The following IRAG2 variants were observed in gnomAD, a reference collection of about 807,000 sequenced individuals.
The protein encoded by IRAG2 is inositol 1,4,5-triphosphate receptor associated 2.
Under a neutral mutation model 69.9 loss-of-function variants are expected in IRAG2, and 45 were observed. The ratio of observed to expected loss-of-function variants is 0.64; its 90% confidence interval spans 0.51 to 0.83. IRAG2 has a LOEUF of 0.83. Among genes scored for constraint, IRAG2 ranks in the 40% least tolerant of loss-of-function variants. The probability of loss-of-function intolerance (pLI) is 0.00; values close to 1 mark genes in which losing one functional copy is unlikely to be tolerated. For synonymous variants in IRAG2, 193 were observed against 202.4 expected (o/e 0.95, Z 0.40); for missense variants, 520 against 587.0 (o/e 0.89, Z 1.18).
At chr12:25,087,180 T>TTTTTTTTG (rs1450270058) in intron 10 of IRAG2, among the ~76,000 whole-genome samples, 2 of 125,228 alleles carry the variant, frequency 1.6e-5, no homozygotes, top group African/African-American at 3.1e-5. Context: ...TTTTTTTTTT[T>TTTTTTTTG]TTGTTGAGAC....
At chr12:25,091,737 G>T (rs1330111983) in intron 14 of IRAG2, among the ~76,000 whole-genome samples, 1 of 152,058 alleles carries the variant, frequency 6.6e-6, no homozygotes, top group Admixed American at 6.6e-5. Context: ...GGTGCACAAA[G>T]GTTCCAATTT....
At position 25,077,307 on chromosome 12, in the gene IRAG2, TG is replaced by T. The variant is rs72303814; in HGVS notation, c.25-1936del. On this transcript the variant is annotated intron_variant, in intron 6 of 21. Transcript: ENST00000556887. ...ATATGATATATATATGAAATATATA[TG>T]ATATATATGATATATATATGATATA... Among the ~76,000 whole-genome samples the T allele has an allele frequency of 5.1e-4, 11 of 21,388 alleles. 2 individuals carry two copies. The highest frequency in any genetic ancestry group is 7.9e-3 in the East Asian group (2 of 254). The allele number at this position is 21,388 out of a possible 152,430, so 14.0% of individuals were successfully genotyped here.
chr12:25,015,088 G>GAAAAAAAAAAA, intron 3 of IRAG2: 50 of 50,870 alleles, frequency 9.8e-4, no homozygotes, highest in Admixed American at 1.3e-3. Context: ...GCATAAATCT[G>GAAAAAAAAAAA]AAAAAAAAAA....
chr12:25,020,966 C>T, intron 7 of IRAG2: 1 of 838,478 alleles, frequency 1.2e-6, no homozygotes, highest in East Asian at 3.3e-5. Flanking sequence ...CTGAAATATA[C>T]AAGAGGACTT....
intron 1 of IRAG2, 42 bp from the exon 2 acceptor site, chr12:25,061,550 T>C (rs1230941067): frequency 7.5e-6 from 3 of 398,484 alleles, no homozygotes; most frequent in Non-Finnish European, 1.3e-5. Flanking sequence ...ATTAATTAAA[T>C]TAAAATGGTC....
chr12:25,064,479 C>G (rs1945841345), intron 4 of IRAG2, among the ~76,000 whole-genome samples: 1 of 152,110 alleles, frequency 6.6e-6, no homozygotes, highest in East Asian at 1.9e-4. Context: ...CAAATTTATA[C>G]TCAATGCCAA....
intron 6 of IRAG2, among the ~76,000 whole-genome samples, chr12:25,019,074 G>C (rs537681533): frequency 2.0e-5 from 3 of 152,210 alleles, no homozygotes; most frequent in Non-Finnish European, 4.4e-5. Context: ...GCAGGAGGGG[G>C]AGCATGCAGG....
intron 6 of IRAG2, among the ~76,000 whole-genome samples, chr12:25,017,713 G>C (rs538537290): frequency 2.2e-5 from 3 of 137,264 alleles, no homozygotes; most frequent in Admixed American, 1.6e-4. Context: ...GCAAGACTCT[G>C]TCTCAAAAAA....
chr12:25,087,976 G>A (rs1194009846), intron 10 of IRAG2, 124 bp from the exon 11 acceptor site: 9 of 670,206 alleles, frequency 1.3e-5, no homozygotes, highest in Middle Eastern at 3.0e-4. Context: ...TACCAAAAAG[G>A]TTGGGGACTG....
At chr12:25,088,073 T>C in intron 10 of IRAG2, 27 bp from the exon 11 acceptor site, 1 of 1,534,718 alleles carries the variant, frequency 6.5e-7, no homozygotes, top group Non-Finnish European at 9.0e-7. Context: ...CCACTCTATG[T>C]ACAGTGGTAA....
intron 12 of IRAG2, among the ~76,000 whole-genome samples, chr12:25,032,708 T>C (rs1944677246): frequency 6.6e-6 from 1 of 152,204 alleles, no homozygotes; most frequent in African/African-American, 2.4e-5. Flanking sequence ...CGACTTATCC[T>C]TGTACAAGCA....
chr12:25,015,150 G>GTTTTTTT lies in IRAG2; in HGVS notation c.897-28_897-27insTTTTTTT, dbSNP rs1436751678. ...TCAGGCAAAGAATCCTAGCTCACTG[G>GTTTTTTT]TTTTGTTTTTTTTTTTTTTTTTTGG... On this transcript the variant is annotated intron_variant, in intron 3 of 38. Transcript: ENST00000636465. 8.7e-5 allele frequency: 81 copies of GTTTTTTT among 933,760 alleles called. 2 individuals carry two copies. The African/African-American group carries it at 1.3e-3, about 16-fold the overall frequency. 57.8% of individuals were successfully genotyped at this position (933,760 alleles called of 1,614,324 possible).
At chr12:25,079,491 T>C (rs895964714) in intron 8 of IRAG2, 29 bp downstream of exon 8, 4 of 1,568,164 alleles carry the variant, frequency 2.6e-6, no homozygotes, top group Non-Finnish European at 3.5e-6. Flanking sequence ...AATATTAAAA[T>C]AGACTGTTAG....
chr12:25,023,834 TA>T, intron 7 of IRAG2: 2 of 1,098,892 alleles, frequency 1.8e-6, no homozygotes, highest in Non-Finnish European at 2.3e-6. Context: ...ATAAACATCT[TA>T]AATATATTTT....
chr12:25,078,052 A>G (rs1946946901), intron 6 of IRAG2, among the ~76,000 whole-genome samples: 1 of 152,176 alleles, frequency 6.6e-6, no homozygotes, highest in South Asian at 2.1e-4. Context: ...CACTGTATTT[A>G]GTTCGATATG....
At position 25,104,561 on chromosome 12, in the gene IRAG2, T is replaced by TA; in HGVS notation, c.1148+104dup. The TA allele has an allele frequency of 4.2e-6, 3 of 718,728 alleles. No homozygotes were observed. In the South Asian group the frequency reaches 4.7e-5, roughly 11 times the overall value. The allele number at this position is 718,728 out of a possible 1,614,324, so 44.5% of individuals were successfully genotyped here. ...TGGAGATGAAATAATGCTGTATAAT[T>TA]AAAAAGATAATTCATTGTAAAACAC... On this transcript the variant is annotated intron_variant, in intron 20 of 21. Coordinates refer to ENST00000556887, the MANE Select transcript of IRAG2 (RefSeq NM_001366544.2).
intron 16 of IRAG2, among the ~76,000 whole-genome samples, chr12:25,045,848 TAAAAAA>T (rs71063392): frequency 7.6e-6 from 1 of 131,566 alleles, no homozygotes; most frequent in Non-Finnish European, 1.6e-5. Flanking sequence ...AAATAAAAGA[TAAAAAA>T]AAAAAAAAAA....
At position 25,106,924 on chromosome 12, in the gene IRAG2, AAAC is replaced by A. The variant is rs750326434; in HGVS notation, c.1149-14_1149-12del. 7.8e-6 allele frequency: 10 copies of A among 1,289,726 alleles called. No individual in the cohort carries two copies. Among genetic ancestry groups the A allele is most frequent in the South Asian group, 1.4e-5 (1 of 72,510 alleles). 79.9% of individuals were successfully genotyped at this position (1,289,726 alleles called of 1,614,324 possible). On this transcript the variant is annotated splice_polypyrimidine_tract_variant and intron_variant, in intron 20 of 21. Coordinates refer to ENST00000556887, the MANE Select transcript of IRAG2 (RefSeq NM_001366544.2). ...TATTATCCTTAGTTTCAAATATTAA[AAAC>A]AACATTTATTTACAGAACTAAAGAT...
chr12:25,058,528 A>C (rs572324755), intron 1 of IRAG2, among the ~76,000 whole-genome samples: 1 of 152,354 alleles, frequency 6.6e-6, no homozygotes, highest in Non-Finnish European at 1.5e-5. Flanking sequence ...TTTTTAATAT[A>C]CAATTTTACA....
Sources: gnomAD v4.1 joint callset for allele counts (sites outside exome capture counted in the v4.1 genomes callset) on GRCh38, gnomAD v4.1.1 for gene constraint, MANE v1.5 for transcripts, NCBI Gene and HGNC (gene_info 2026-07-23, HGNC 2026-07-21) for gene names.